PRSS36: variants seen among roughly 807,000 people sequenced by gnomAD.
The protein encoded by PRSS36 is polyserase-2.
A neutral mutation model predicts 94.3 loss-of-function variants in PRSS36; 90 were observed. The ratio of observed to expected loss-of-function variants is 0.95; its 90% CI spans 0.80 to 1.14. The LOEUF is 1.14. Ranked by LOEUF, PRSS36 falls within the 50% of genes most tolerant of loss-of-function variation. The pLI is 0.00. For missense variants in PRSS36, 1,158 were observed against 1,135.0 expected, an observed-to-expected ratio of 1.02 and a Z score of -0.29; for synonymous variants, 500 against 489.6, an observed-to-expected ratio of 1.02 and a Z score of -0.28.
chr16:31,145,537 CAA>C (rs2057786255), intron 6 of PRSS36, among the ~76,000 whole-genome samples: 1 of 151,358 alleles, frequency 6.6e-6, no homozygotes, highest in Non-Finnish European at 1.5e-5. Context: ...GGCTGAAGCA[CAA>C]GAGTCGCTTG....
rs1156787190 is a variant in PRSS36, at chr16:31,142,949, C to A, written c.1145G>T (p.Arg382Leu). The A allele has an allele frequency of 4.8e-6, 7 of 1,454,850 alleles. No individual in the cohort carries two copies. The African/African-American group carries it at 8.9e-5, about 18-fold the overall frequency. The allele number at this position is 1,454,850 out of a possible 1,614,324, so 90.1% of individuals were successfully genotyped here. ...GCGCGGGCGCGAGGGCAGCAGCACGCGCCAGGCGTCGAGGTCGCGGGGTGG... is the reference window on the plus strand; with the variant it reads ...GCGCGGGCGCGAGGGCAGCAGCACGAGCCAGGCGTCGAGGTCGCGGGGTGG... ...DSPPRDLDAW[R>L]VLLPSRPRAE... Residue 382 changes from arginine (R) to leucine (L), a missense_variant, in exon 9 of 15, where the codon CGC (arginine) becomes CTC (leucine). Physicochemically the swap from Arg to Leu is moderately radical, Grantham distance 102 (BLOSUM62 -2). Transcript: ENST00000268281.
In PRSS36 at chr16:31,140,659, C is replaced by G. The variant is rs775039290; in HGVS notation, c.2000G>C (p.Ser667Thr). 1.9e-6 allele frequency: 3 copies of G among 1,613,904 alleles called. No homozygotes were observed. Among genetic ancestry groups the G allele is most frequent in the Non-Finnish European group, 2.5e-6 (3 of 1,179,908 alleles). The change falls in exon 13 of 15, where the codon AGC becomes ACC. Residue 667 changes from serine to threonine, a missense_variant. Physicochemically the swap from Ser to Thr is moderately conservative, Grantham distance 58 (BLOSUM62 1). Coordinates refer to ENST00000268281, the MANE Select transcript of PRSS36 (RefSeq NM_173502.5). ...TCCCAGGTGCTGGGGCAGCCGGATG[C>G]TGATGACCAAGCGGGATACCTGGTG... ...QGHQVSRLVI[S>T]IRLPQHLGLR...
In PRSS36 at chr16:31,146,208, G is replaced by A. The variant is rs115649361; in HGVS notation, c.554-253C>T. On this transcript the variant is annotated intron_variant, in intron 5 of 14. Transcript: ENST00000268281. ...GTGCAGGTTGTGCACTGCAACAAAG[G>A]ATGCAATGTAGGGACTAAAACCATT... Among the ~76,000 whole-genome samples, 427 of 152,372 alleles carry A rather than the reference G, an allele frequency of 2.8e-3. 1 individual carries two copies. The highest frequency in any genetic ancestry group is 9.5e-3 in the African/African-American group (395 of 41,600).
chr16:31,140,625 G>C lies in PRSS36; in HGVS notation c.2034C>G (p.Pro678=). The C allele has an allele frequency of 6.2e-7, 1 of 1,612,652 alleles. No individual in the cohort carries two copies. The highest frequency in any genetic ancestry group is 8.5e-7 in the Non-Finnish European group (1 of 1,179,302). ...IRLPQHLGLR[P]PLALLELSSR... is the part of the protein sequence containing the mutation. Reference sequence around the variant, plus strand: ...AGCTCAGCTCCAGGAGGGCCAGGGGGGGCCTGAGTCCCAGGTGCTGGGGCA... The same window carrying C: ...AGCTCAGCTCCAGGAGGGCCAGGGGCGGCCTGAGTCCCAGGTGCTGGGGCA... The change falls in exon 13 of 15, where the codon CCC becomes CCG. Residue 678 remains proline, a synonymous_variant. Transcript: ENST00000268281.
In PRSS36 at chr16:31,149,988, CCT is replaced by C. The variant is rs754862089; in HGVS notation, c.37+9_37+10del. On this transcript the variant is annotated intron_variant, in intron 1 of 14. Coordinates refer to ENST00000268281, the MANE Select transcript of PRSS36 (RefSeq NM_173502.5). The stretch of plus-strand genomic sequence containing the variant: ...AGGCCCTTTGCAGCCACTCTTGTCC[CCT>C]GAGGTTACCAAGCATCACAAGGGGG... The C allele has an allele frequency of 5.6e-6, 9 of 1,613,956 alleles. No homozygotes were observed. The South Asian group carries it at 9.9e-5, about 18-fold the overall frequency.
Position 31,145,876 on chromosome 16 carries a change from G to A in PRSS36, c.633C>T (p.Ser211=). Residue 211 remains serine, a synonymous_variant, in exon 6 of 15, where the codon AGC becomes AGT. Coordinates refer to ENST00000268281, the MANE Select transcript of PRSS36 (RefSeq NM_173502.5). The part of the protein sequence containing the change: ...LGEATCQCLY[S]QPGPFNLTLQ... ...GAGTGAGGTTGAAGGGACCGGGCTG[G>A]CTGTAGAGACATTGACAGGTGGCCT... is the stretch of plus-strand genomic sequence containing the variant. 2 of 1,614,086 alleles carry A rather than the reference G, an allele frequency of 1.2e-6. No homozygotes were observed. The highest frequency in any genetic ancestry group is 1.7e-5 in the Admixed American group (1 of 60,022).
In PRSS36 at chr16:31,139,186, C is replaced by A. The variant is rs769045823; in HGVS notation, c.2520G>T (p.Pro840=). The A allele has an allele frequency of 2.6e-5, 42 of 1,603,508 alleles. No homozygotes were observed. In the East Asian group the frequency reaches 8.7e-4, roughly 33 times the overall value. The change falls in exon 15 of 15, where the codon CCG becomes CCT. Residue 840 remains proline (P), a synonymous_variant. Coordinates refer to ENST00000268281, the MANE Select transcript of PRSS36 (RefSeq NM_173502.5). ...PPELAKASGS[P]HAVYFLLLLT... ...GCAGGAGCAGGAAGTAGACTGCATG[C>A]GGGGATCCCGAGGCCTTGGCCAGTT...
chr16:31,143,469 A>G lies in PRSS36; in HGVS notation c.973T>C (p.Cys325Arg). 6.2e-7 allele frequency: 1 copy of G among 1,607,508 alleles called. No homozygotes were observed. The highest frequency in any genetic ancestry group is 8.5e-7 in the Non-Finnish European group (1 of 1,176,884). The change falls in exon 8 of 15, where the codon TGC (cysteine) becomes CGC (arginine). Residue 325 changes from cysteine (C) to arginine (R), a missense_variant and splice_region_variant. Transcript: ENST00000268281. ...EENCTIALPE[C>R]GKAPRPGAWP... ...GCCCCTGGCCGCGGGGCCTTCCCGC[A>G]CTCTGAGGGGTGAGAGGCCTGGGTC...
rs1357796362 is a variant in PRSS36, at chr16:31,142,836, C to G, written c.1258G>C (p.Val420Leu). 5.8e-6 allele frequency: 9 copies of G among 1,551,284 alleles called. No individual in the cohort carries two copies. Among genetic ancestry groups the G allele is most frequent in the Non-Finnish European group, 7.8e-6 (9 of 1,152,130 alleles). ...DLALLQLRTP[V>L]NLSAASRPVC... ...GGCCGCGAAGCCGCGCTCAGGTTCA[C>G]GGGCGTGCGCAGCTGCAGCAGCGCC... Residue 420 changes from valine (V) to leucine (L), a missense_variant, in exon 9 of 15, where the codon GTG (valine) becomes CTG (leucine). Physicochemically the swap from Val to Leu is conservative, Grantham distance 32. Coordinates refer to ENST00000268281, the MANE Select transcript of PRSS36 (RefSeq NM_173502.5).
chr16:31,142,418 C>T (rs1277357898), intron 10 of PRSS36, 63 bp downstream of exon 10: 4 of 1,405,338 alleles, frequency 2.8e-6, no homozygotes, highest in Non-Finnish European at 3.7e-6. Context: ...CTTCCACAGG[C>T]CCCGCCCTCT....
intron 5 of PRSS36, 65 bp from the exon 6 acceptor site, chr16:31,146,020 A>C (rs1596857374): frequency 6.7e-7 from 1 of 1,494,370 alleles, no homozygotes; most frequent in East Asian, 2.4e-5. Context: ...CCCAGGGTTC[A>C]GGTTTGCCTC....
Position 31,142,855 on chromosome 16 carries a change from C to T in PRSS36, c.1239G>A (p.Leu413=). 6.4e-7 allele frequency: 1 copy of T among 1,556,838 alleles called. No individual in the cohort carries two copies. ...GGTTCACGGGCGTGCGCAGCTGCAG[C>T]AGCGCCAGGTCCGAGGCGTTGTCCC... ...ASWDNASDLA[L]LQLRTPVNLS... is the part of the protein sequence containing the mutation. Residue 413 remains leucine, a synonymous_variant, in exon 9 of 15, where the codon CTG becomes CTA. Transcript: ENST00000268281.
Position 31,148,685 on chromosome 16 carries a change from ACCGGG to A in PRSS36, c.273-15_273-11del, listed in dbSNP as rs2057841583. 1.9e-6 allele frequency: 3 copies of A among 1,611,868 alleles called. No individual in the cohort carries two copies. In the East Asian group the frequency reaches 6.7e-5, roughly 36 times the overall value. ...CTCCAGCGTCCCATTCCTGCGCTCGACCGGGGCAGTAGGAGGTTAGGTTGACCCTA... is the reference window on the plus strand; with the variant it reads ...CTCCAGCGTCCCATTCCTGCGCTCGAGCAGTAGGAGGTTAGGTTGACCCTA... On this transcript the variant is annotated splice_polypyrimidine_tract_variant and intron_variant, in intron 4 of 14. Transcript: ENST00000268281.
At chr16:31,144,322 A>T (rs1468372678) in intron 6 of PRSS36, among the ~76,000 whole-genome samples, 1 of 152,064 alleles carries the variant, frequency 6.6e-6, no homozygotes, top group Non-Finnish European at 1.5e-5. Flanking sequence ...CTACAGGTGT[A>T]CACCACCACA....
chr16:31,145,098 G>A (rs2144036727), intron 6 of PRSS36, among the ~76,000 whole-genome samples: 1 of 151,592 alleles, frequency 6.6e-6, no homozygotes, highest in East Asian at 2.0e-4. Flanking sequence ...GGCCGGGCGC[G>A]GTGGCTCACT....
chr16:31,145,657 A>G lies in PRSS36; in HGVS notation c.720+132T>C, dbSNP rs1002607652. The G allele has an allele frequency of 4.2e-5, 38 of 894,288 alleles. No individual in the cohort carries two copies. In the Admixed American group the frequency reaches 7.6e-4, roughly 18 times the overall value. The allele number at this position is 894,288 out of a possible 1,614,324, so 55.4% of individuals were successfully genotyped here. A position where few individuals can be genotyped will look rare whatever the true frequency, so the allele number is the denominator to read the frequency against. Reference sequence around the variant, plus strand: ...CTGTCTCAAAATACACAAACAAAAAACTTCACGTCAACCCCATCCCTTGGC... The same window carrying G: ...CTGTCTCAAAATACACAAACAAAAAGCTTCACGTCAACCCCATCCCTTGGC... On this transcript the variant is annotated intron_variant, in intron 6 of 14. Coordinates refer to ENST00000268281, the MANE Select transcript of PRSS36 (RefSeq NM_173502.5).
intron 12 of PRSS36, among the ~76,000 whole-genome samples, 182 bp downstream of exon 12, chr16:31,141,287 T>C (rs983488685): frequency 1.3e-5 from 2 of 152,188 alleles, no homozygotes; most frequent in African/African-American, 4.8e-5. Flanking sequence ...CAGTGGCTCA[T>C]GCCTGTAATC....
At chr16:31,148,329 C>T in intron 5 of PRSS36, 66 bp downstream of exon 5, 1 of 1,447,730 alleles carries the variant, frequency 6.9e-7, no homozygotes, top group Non-Finnish European at 9.1e-7. Context: ...AGGCCCCGCC[C>T]TAGGAACCTC....
chr16:31,141,532 C>T lies in PRSS36; in HGVS notation c.1838G>A (p.Arg613Gln), dbSNP rs951361732. ...WLAEVHVAGD[R>Q]VCTGILLAPG... ...GGCCAGGAGGATCCCAGTGCAGACT[C>T]GATCACCAGCCACATGCACCTCTGC... Residue 613 changes from arginine (R) to glutamine (Q), a missense_variant, in exon 12 of 15, where the codon CGA becomes CAA. Transcript: ENST00000268281. 5 of 1,613,008 alleles carry T rather than the reference C, an allele frequency of 3.1e-6. No homozygotes were observed. The highest frequency in any genetic ancestry group is 1.6e-4 in the Middle Eastern group (1 of 6,082).
Sources: allele counts gnomAD v4.1 joint callset (sites outside exome capture counted in the v4.1 genomes callset), GRCh38; gene constraint gnomAD v4.1.1; transcripts MANE v1.5; gene names NCBI Gene and HGNC (gene_info 2026-07-23, HGNC 2026-07-21).